CTNNA3: variants seen among roughly 807,000 people sequenced by gnomAD.
CTNNA3 encodes the protein catenin alpha 3, also known as catenin alpha-3.
Under a neutral mutation model 95.7 loss-of-function variants are expected in CTNNA3, and 76 were observed. The observed-to-expected ratio is 0.79, with a 90% CI of 0.66 to 0.96. CTNNA3 has a LOEUF of 0.96. Ranked by LOEUF, CTNNA3 falls within the 40% of genes least tolerant of loss-of-function variation. The pLI is 0.00. For synonymous variants in CTNNA3, 431 were observed against 374.4 expected, an observed-to-expected ratio of 1.15 and a Z score of -1.74; for missense variants, 1,191 against 1,089.8, an observed-to-expected ratio of 1.09 and a Z score of -1.31.
intron 7 of CTNNA3, among the ~76,000 whole-genome samples, chr10:66,867,501 C>T (rs151084936): frequency 6.6e-6 from 1 of 152,254 alleles, no homozygotes; most frequent in African/African-American, 2.4e-5. Context: ...AACTGAGGCT[C>T]TATTAGCTCT....
At chr10:66,106,855 G>T (rs938611175) in intron 13 of CTNNA3, among the ~76,000 whole-genome samples, 8 of 151,990 alleles carry the variant, frequency 5.3e-5, no homozygotes, top group African/African-American at 1.9e-4. Flanking sequence ...CAATGTTTCT[G>T]TCCTTTAGAT....
At chr10:66,967,301 T>C (rs1429589096) in intron 7 of CTNNA3, among the ~76,000 whole-genome samples, 3 of 151,512 alleles carry the variant, frequency 2.0e-5, no homozygotes, top group African/African-American at 7.3e-5. Flanking sequence ...GATATAGATA[T>C]AGGTATAGAT....
rs1439949772 is a variant in CTNNA3 at position 66,597,178 on chromosome 10, G to T, written c.1374+24514C>A. ...TGAAGAAAGCCTATGGGAATTATGG[G>T]ATTCCATCAAGCAAACTAATAGCTG... On this transcript the variant is annotated intron_variant, in intron 10 of 17. Transcript: ENST00000433211. Among the ~76,000 whole-genome samples the T allele has an allele frequency of 2.6e-5, 4 of 151,932 alleles. No homozygotes were observed. The East Asian group carries it at 5.8e-4, about 22-fold the overall frequency.
intron 15 of CTNNA3, among the ~76,000 whole-genome samples, chr10:65,992,924 T>C (rs1268222578): frequency 6.6e-6 from 1 of 152,136 alleles, no homozygotes; most frequent in African/African-American, 2.4e-5. Context: ...CCTATAGGTT[T>C]TGGTATATTG....
chr10:66,680,834 G>T (rs1195029816), intron 9 of CTNNA3, among the ~76,000 whole-genome samples: 4 of 152,124 alleles, frequency 2.6e-5, no homozygotes, highest in East Asian at 1.9e-4. Flanking sequence ...GGTATGCAAA[G>T]AAATATAAGC....
upstream of CTNNA3, among the ~76,000 whole-genome samples, chr10:67,699,960 C>T (rs923321542): frequency 1.6e-4 from 25 of 152,234 alleles, no homozygotes; most frequent in African/African-American, 5.5e-4. Context: ...GACAGCGCAC[C>T]AGGAGATTAT....
intron 15 of CTNNA3, among the ~76,000 whole-genome samples, chr10:65,989,645 A>G (rs937726152): frequency 2.6e-5 from 4 of 152,186 alleles, no homozygotes; most frequent in Non-Finnish European, 1.5e-5. Context: ...GTACATACAT[A>G]GAATGTGTAA....
chr10:66,011,885 T>C (rs560583040), intron 15 of CTNNA3, among the ~76,000 whole-genome samples: 1 of 152,362 alleles, frequency 6.6e-6, no homozygotes, highest in Non-Finnish European at 1.5e-5. Context: ...TAATTTGTTA[T>C]GCGTGTGGCA....
At chr10:66,462,104 C>A (rs2093533989) in intron 11 of CTNNA3, among the ~76,000 whole-genome samples, 3 of 152,034 alleles carry the variant, frequency 2.0e-5, no homozygotes, top group Admixed American at 2.0e-4. Context: ...GCCACCACGC[C>A]CAGCCATGTG....
chr10:66,716,448 G>T (rs1848452357), intron 9 of CTNNA3, among the ~76,000 whole-genome samples: 1 of 152,116 alleles, frequency 6.6e-6, no homozygotes, highest in Non-Finnish European at 1.5e-5. Flanking sequence ...AGTTCAAACT[G>T]CAAATGTTCA....
At chr10:67,377,265 T>C (rs186148369) in intron 5 of CTNNA3, among the ~76,000 whole-genome samples, 2 of 152,282 alleles carry the variant, frequency 1.3e-5, no homozygotes, top group Non-Finnish European at 2.9e-5. Flanking sequence ...TACTAGAAAG[T>C]AGAATGTGTA....
chr10:66,585,134 T>C (rs1843316689), intron 10 of CTNNA3, among the ~76,000 whole-genome samples: 1 of 152,082 alleles, frequency 6.6e-6, no homozygotes, highest in Non-Finnish European at 1.5e-5. Flanking sequence ...ATGTTGACTT[T>C]AGATAGCCTG....
chr10:67,559,637 G>C (rs112849958), intron 3 of CTNNA3, among the ~76,000 whole-genome samples: 1 of 152,154 alleles, frequency 6.6e-6, no homozygotes, highest in Non-Finnish European at 1.5e-5. Context: ...GAAGCTGGAC[G>C]GAGAATGACT....
At chr10:66,966,769 A>G (rs1468506049) in intron 7 of CTNNA3, among the ~76,000 whole-genome samples, 4 of 152,092 alleles carry the variant, frequency 2.6e-5, no homozygotes, top group African/African-American at 9.7e-5. Context: ...CTAAATCTGT[A>G]AGAAGAAAAT....
At chr10:66,488,204 G>A (rs1026068662) in intron 11 of CTNNA3, among the ~76,000 whole-genome samples, 4 of 152,234 alleles carry the variant, frequency 2.6e-5, no homozygotes, top group African/African-American at 9.6e-5. Context: ...ACCATACCTT[G>A]TATGATAAAT....
At position 66,235,204 on chromosome 10, in the gene CTNNA3, A is replaced by G. The variant is rs577848217; in HGVS notation, c.1884+45266T>C. Among the ~76,000 whole-genome samples the G allele has an allele frequency of 2.0e-5, 3 of 152,310 alleles. No individual in the cohort carries two copies. The South Asian group carries it at 6.2e-4, about 32-fold the overall frequency. ...GAGGTAATAAATATCGTTGTTTTAAACCACTAAATTTGGTAGTAATGTTAC... is the reference window on the plus strand; with the variant it reads ...GAGGTAATAAATATCGTTGTTTTAAGCCACTAAATTTGGTAGTAATGTTAC... On this transcript the variant is annotated intron_variant, in intron 13 of 17. Transcript: ENST00000433211.
intron 9 of CTNNA3, among the ~76,000 whole-genome samples, chr10:66,704,538 T>A (rs1181171565): frequency 6.6e-6 from 1 of 152,180 alleles, no homozygotes; most frequent in African/African-American, 2.4e-5. Context: ...CATGCCATTT[T>A]ATTACCCTTT....
At chr10:66,247,560 A>G (rs186971924) in intron 13 of CTNNA3, among the ~76,000 whole-genome samples, 1 of 152,350 alleles carries the variant, frequency 6.6e-6, no homozygotes, top group Admixed American at 6.5e-5. Context: ...TCAAACTCCC[A>G]AAGGTTGAAA....
chr10:67,164,502 T>C (rs1241453567), intron 7 of CTNNA3, among the ~76,000 whole-genome samples: 1 of 151,924 alleles, frequency 6.6e-6, no homozygotes, highest in Non-Finnish European at 1.5e-5. Flanking sequence ...TTTAGGAAAA[T>C]AGCAGAAAAG....
Sources: gnomAD v4.1 joint callset for allele counts (sites outside exome capture counted in the v4.1 genomes callset) on GRCh38, gnomAD v4.1.1 for gene constraint, MANE v1.5 for transcripts, NCBI Gene and HGNC (gene_info 2026-07-23, HGNC 2026-07-21) for gene names.